SPOCK1: variants seen among roughly 807,000 people sequenced by gnomAD.
SPOCK1 encodes testican-1.
SPOCK1 carries 23 observed loss-of-function variants against 55.3 expected under a neutral mutation model. The ratio of observed to expected loss-of-function variants is 0.42; its 90% CI spans 0.30 to 0.59. The LOEUF (loss-of-function observed/expected upper bound fraction) is 0.59, where lower values mean the gene tolerates loss of function less well. Ranked by LOEUF, SPOCK1 falls within the 20% of genes least tolerant of loss-of-function variation. The pLI, the probability that SPOCK1 is intolerant of heterozygous loss-of-function variation, is 0.22. For synonymous variants in SPOCK1, 226 were observed against 221.0 expected, an observed-to-expected ratio of 1.02 and a Z score of -0.20; for missense variants, 499 against 552.5, an observed-to-expected ratio of 0.90 and a Z score of 0.97.
At chr5:137,277,874 C>T (rs910447970) in intron 2 of SPOCK1, among the ~76,000 whole-genome samples, 4 of 152,178 alleles carry the variant, frequency 2.6e-5, no homozygotes, top group Admixed American at 6.5e-5. Flanking sequence ...AAGAGCAGGC[C>T]GGCAGGAGAT....
chr5:137,121,912 T>C (rs540696015), intron 4 of SPOCK1, among the ~76,000 whole-genome samples: 2 of 146,390 alleles, frequency 1.4e-5, no homozygotes, highest in Admixed American at 1.4e-4. Flanking sequence ...TTATATGTCA[T>C]AAATAATACT....
At chr5:137,034,011 A>C (rs1751832717) in intron 6 of SPOCK1, among the ~76,000 whole-genome samples, 1 of 152,180 alleles carries the variant, frequency 6.6e-6, no homozygotes, top group Non-Finnish European at 1.5e-5. Context: ...TGAGAGCAGA[A>C]CCCTTTTCTT....
chr5:137,107,665 C>A (rs1753394200), intron 5 of SPOCK1, among the ~76,000 whole-genome samples: 1 of 152,152 alleles, frequency 6.6e-6, no homozygotes, highest in Admixed American at 6.5e-5. Context: ...AAGAGGCCTG[C>A]TGTAGACAAA....
intron 6 of SPOCK1, among the ~76,000 whole-genome samples, chr5:137,058,289 T>C (rs1007402530): frequency 6.6e-6 from 1 of 152,216 alleles, no homozygotes; most frequent in African/African-American, 2.4e-5. Flanking sequence ...TCATCTATTA[T>C]CTGTGTGGCC....
At chr5:137,418,197 T>C (rs1331006511) in intron 2 of SPOCK1, among the ~76,000 whole-genome samples, 1 of 152,148 alleles carries the variant, frequency 6.6e-6, no homozygotes, top group African/African-American at 2.4e-5. Flanking sequence ...CTTAATCCAG[T>C]CTATCATTGA....
At chr5:137,474,799 A>C (rs1023585460) in intron 2 of SPOCK1, among the ~76,000 whole-genome samples, 5 of 152,232 alleles carry the variant, frequency 3.3e-5, no homozygotes, top group African/African-American at 1.2e-4. Flanking sequence ...CCAGGAGTCC[A>C]CAGTGTTACT....
chr5:137,129,934 G>T (rs1456313078), intron 4 of SPOCK1, among the ~76,000 whole-genome samples: 2 of 152,116 alleles, frequency 1.3e-5, no homozygotes, highest in Non-Finnish European at 2.9e-5. Flanking sequence ...AGGTGGTTTT[G>T]GTCCCTGAGC....
chr5:137,044,805 C>G (rs1346491294), intron 6 of SPOCK1, among the ~76,000 whole-genome samples: 18 of 136,980 alleles, frequency 1.3e-4, no homozygotes, highest in African/African-American at 4.9e-4. Context: ...CCCCCGACCC[C>G]ACCACAGTCC....
At chr5:137,247,206 G>A (rs563994878) in intron 3 of SPOCK1, among the ~76,000 whole-genome samples, 1 of 152,190 alleles carries the variant, frequency 6.6e-6, no homozygotes, top group Non-Finnish European at 1.5e-5. Flanking sequence ...AAAGGGCAGA[G>A]GAGGGCACTG....
intron 2 of SPOCK1, among the ~76,000 whole-genome samples, chr5:137,409,393 A>G (rs535843949): frequency 6.6e-6 from 1 of 152,284 alleles, no homozygotes; most frequent in South Asian, 2.1e-4. Flanking sequence ...CTGCCATGGG[A>G]TAAGGCTGAA....
chr5:137,435,789 T>C (rs1580925970), intron 2 of SPOCK1, among the ~76,000 whole-genome samples: 1 of 142,314 alleles, frequency 7.0e-6, no homozygotes, highest in African/African-American at 2.6e-5. Flanking sequence ...TTGTTGCATG[T>C]GTTTTTCTTA....
Position 137,492,742 on chromosome 5 carries a change from G to A in SPOCK1, c.186+5631C>T, listed in dbSNP as rs182480353. ...GTGTGCATGTAGACCAGAAACCTGC[G>A]AGAGTGCCAGACTGCTCAGTTGCTT... On this transcript the variant is annotated intron_variant, in intron 2 of 10. Coordinates refer to ENST00000394945, the MANE Select transcript of SPOCK1 (RefSeq NM_004598.4). Among the ~76,000 whole-genome samples, 29 of 152,292 alleles carry A rather than the reference G, an allele frequency of 1.9e-4. No individual in the cohort carries two copies. In the East Asian group the frequency reaches 3.9e-3, roughly 20 times the overall value.
intron 2 of SPOCK1, among the ~76,000 whole-genome samples, chr5:137,364,575 C>T (rs1457784580): frequency 9.8e-5 from 15 of 152,312 alleles, no homozygotes; most frequent in Admixed American, 8.5e-4. Flanking sequence ...TTCTGCTTTG[C>T]CTCCACCTAT....
chr5:137,324,951 G>A (rs1048645668), intron 2 of SPOCK1, among the ~76,000 whole-genome samples: 33 of 146,710 alleles, frequency 2.2e-4, no homozygotes, highest in Admixed American at 1.9e-3. Context: ...CAAGCTTGAC[G>A]GCTCAATCCT....
chr5:137,448,105 G>A (rs987695442), intron 2 of SPOCK1, among the ~76,000 whole-genome samples: 3 of 152,000 alleles, frequency 2.0e-5, no homozygotes, highest in African/African-American at 2.4e-5. Context: ...AAAATTAGCC[G>A]GGCTTGGTGG....
At chr5:137,442,735 G>C (rs901622776) in intron 2 of SPOCK1, among the ~76,000 whole-genome samples, 1 of 152,216 alleles carries the variant, frequency 6.6e-6, no homozygotes, top group Non-Finnish European at 1.5e-5. Context: ...TGCCAACAAG[G>C]AAAACAACAG....
chr5:137,338,704 C>A (rs535683225), intron 2 of SPOCK1, among the ~76,000 whole-genome samples: 1 of 151,332 alleles, frequency 6.6e-6, no homozygotes, highest in Non-Finnish European at 1.5e-5. Context: ...TTTTAATGAT[C>A]GCCATTCTAA....
At chr5:137,334,280 C>T (rs991391173) in intron 2 of SPOCK1, among the ~76,000 whole-genome samples, 3 of 152,158 alleles carry the variant, frequency 2.0e-5, no homozygotes, top group African/African-American at 7.2e-5. Context: ...GGTGACTTTT[C>T]GAAAGCTTTC....
intron 2 of SPOCK1, among the ~76,000 whole-genome samples, chr5:137,416,356 A>G (rs1752327786): frequency 6.6e-6 from 1 of 152,156 alleles, no homozygotes; most frequent in South Asian, 2.1e-4. Flanking sequence ...ACCTGGATCT[A>G]CACAAAGATA....
Sources: allele counts gnomAD v4.1 joint callset (sites outside exome capture counted in the v4.1 genomes callset), GRCh38; gene constraint gnomAD v4.1.1; transcripts MANE v1.5; gene names NCBI Gene and HGNC (gene_info 2026-07-23, HGNC 2026-07-21).